The following TMEM132D variants were observed in gnomAD, a reference collection of about 807,000 sequenced individuals.
TMEM132D encodes the protein mature OL transmembrane protein.
In TMEM132D, 21 loss-of-function variants were observed where a neutral mutation model predicts 62.3. The ratio of observed to expected loss-of-function variants is 0.34; its 90% CI spans 0.24 to 0.49. TMEM132D has a LOEUF of 0.49. Among genes scored for constraint, TMEM132D ranks in the 20% least tolerant of loss-of-function variants. TMEM132D has a pLI of 0.99. For synonymous variants in TMEM132D, 621 were observed against 575.6 expected, an observed-to-expected ratio of 1.08 and a Z score of -1.13; for missense variants, 1,346 against 1,402.8, an observed-to-expected ratio of 0.96 and a Z score of 0.65.
intron 3 of TMEM132D, among the ~76,000 whole-genome samples, chr12:129,343,354 C>G (rs1869563968): frequency 6.6e-6 from 1 of 151,240 alleles, no homozygotes; most frequent in East Asian, 2.0e-4. Flanking sequence ...CATGTTCTCA[C>G]TCATAGGTGG....
At chr12:129,383,939 C>T (rs899197701) in intron 3 of TMEM132D, among the ~76,000 whole-genome samples, 40 of 152,224 alleles carry the variant, frequency 2.6e-4, no homozygotes, top group African/African-American at 8.9e-4. Context: ...ATGAGGAACA[C>T]TGGGTTAGAC....
intron 5 of TMEM132D, among the ~76,000 whole-genome samples, chr12:129,134,880 T>C (rs1190799043): frequency 6.6e-6 from 1 of 152,232 alleles, no homozygotes; most frequent in African/African-American, 2.4e-5. Flanking sequence ...TCAATCATCA[T>C]GGTGCATGTC....
intron 2 of TMEM132D, among the ~76,000 whole-genome samples, chr12:129,534,512 CAG>C (rs1255421633): frequency 6.6e-6 from 1 of 152,044 alleles, no homozygotes; most frequent in African/African-American, 2.4e-5. Context: ...CACACACACA[CAG>C]AGTTTCAAGT....
In TMEM132D at chr12:129,270,016, C is replaced by T. The variant is rs530171729; in HGVS notation, c.1300-60353G>A. ...GAACAGAATGGGAAAATCAAGCGAGCCACTCGGGAAAAGCCGCAGGCCGAG... is the reference window on the plus strand; with the variant it reads ...GAACAGAATGGGAAAATCAAGCGAGTCACTCGGGAAAAGCCGCAGGCCGAG... On this transcript the variant is annotated intron_variant, in intron 4 of 8. Coordinates refer to ENST00000422113, the MANE Select transcript of TMEM132D (RefSeq NM_133448.3). 2.9e-3 allele frequency among the ~76,000 whole-genome samples: 439 copies of T among 152,224 alleles called. 1 individual carries two copies. Among genetic ancestry groups the T allele is most frequent in the Non-Finnish European group, 4.9e-3 (333 of 68,014 alleles).
At chr12:129,289,556 A>AAAAAAAAAAG (rs1881392656) in intron 4 of TMEM132D, among the ~76,000 whole-genome samples, 1 of 148,554 alleles carries the variant, frequency 6.7e-6, no homozygotes, top group African/African-American at 2.5e-5. Flanking sequence ...ATAAAAAAAA[A>AAAAAAAAAAG]AAAAAAAAGA....
chr12:129,823,092 G>A (rs575439176), intron 1 of TMEM132D, among the ~76,000 whole-genome samples: 4 of 152,200 alleles, frequency 2.6e-5, no homozygotes, highest in East Asian at 3.9e-4. Flanking sequence ...GTGGCACCTC[G>A]CACATCTCTT....
chr12:129,274,113 AG>A (rs1400905680), intron 4 of TMEM132D, among the ~76,000 whole-genome samples: 3 of 151,270 alleles, frequency 2.0e-5, no homozygotes, highest in African/African-American at 2.4e-5. Context: ...TATTCTAAAA[AG>A]ATATGGAGCT....
intron 1 of TMEM132D, among the ~76,000 whole-genome samples, chr12:129,791,410 A>G (rs1871397100): frequency 6.6e-6 from 1 of 152,226 alleles, no homozygotes; most frequent in African/African-American, 2.4e-5. Flanking sequence ...AGCACATCAA[A>G]TTACATGTTT....
intron 4 of TMEM132D, among the ~76,000 whole-genome samples, chr12:129,244,671 T>C (rs1880045158): frequency 6.6e-6 from 1 of 152,118 alleles, no homozygotes; most frequent in African/African-American, 2.4e-5. Context: ...GACAGAGTCT[T>C]GCTCTATTGT....
At chr12:129,840,585 C>T (rs1248301499) in intron 1 of TMEM132D, 3 of 152,156 alleles carry the variant, frequency 2.0e-5, no homozygotes, top group Non-Finnish European at 4.4e-5. Flanking sequence ...TTTATGTCTC[C>T]GAGAAGGCAC....
At chr12:129,829,049 C>T (rs1253427341) in intron 1 of TMEM132D, among the ~76,000 whole-genome samples, 2 of 151,886 alleles carry the variant, frequency 1.3e-5, no homozygotes, top group African/African-American at 4.8e-5. Context: ...ATGCTGGCAG[C>T]TACCAACTTC....
chr12:129,185,701 A>G (rs73418230), intron 5 of TMEM132D, among the ~76,000 whole-genome samples: 5,338 of 151,204 alleles, frequency 0.035, 114 homozygotes, highest in Admixed American at 0.058. Flanking sequence ...TATCTTATCT[A>G]TCTGTCTGTC....
intron 4 of TMEM132D, among the ~76,000 whole-genome samples, chr12:129,284,317 C>G (rs898136959): frequency 3.9e-5 from 6 of 152,242 alleles, no homozygotes; most frequent in African/African-American, 1.4e-4. Context: ...TCTACATCAT[C>G]TGAAACAGAA....
chr12:129,337,035 T>A (rs1869305685), intron 4 of TMEM132D, among the ~76,000 whole-genome samples: 1 of 152,288 alleles, frequency 6.6e-6, no homozygotes, highest in East Asian at 1.9e-4. Context: ...TCAACTACAG[T>A]AACCCAAACA....
chr12:129,246,965 C>T (rs540279377), intron 4 of TMEM132D, among the ~76,000 whole-genome samples: 1 of 152,156 alleles, frequency 6.6e-6, no homozygotes, highest in African/African-American at 2.4e-5. Flanking sequence ...TATACTCATC[C>T]AGTCATTTAT....
chr12:129,394,836 C>T (rs748241637), intron 3 of TMEM132D, among the ~76,000 whole-genome samples: 5 of 152,198 alleles, frequency 3.3e-5, no homozygotes, highest in Non-Finnish European at 5.9e-5. Flanking sequence ...ATGGAGGTGA[C>T]AGATGGGCTG....
chr12:129,368,774 A>T (rs1434056313), intron 3 of TMEM132D, among the ~76,000 whole-genome samples: 1 of 152,142 alleles, frequency 6.6e-6, no homozygotes, highest in Non-Finnish European at 1.5e-5. Context: ...CACCAAAAAA[A>T]AAAAACCCAA....
intron 4 of TMEM132D, among the ~76,000 whole-genome samples, chr12:129,272,028 A>G (rs531267148): frequency 2.6e-5 from 4 of 152,014 alleles, no homozygotes; most frequent in South Asian, 2.1e-4. Context: ...CTCCCACCCA[A>G]CAGTGTAAAA....
intron 1 of TMEM132D, among the ~76,000 whole-genome samples, chr12:129,766,024 G>A (rs1437915506): frequency 2.0e-5 from 3 of 152,148 alleles, no homozygotes; most frequent in Non-Finnish European, 2.9e-5. Flanking sequence ...TCTGGACAAT[G>A]AGGCGGAGGC....
Sources: gnomAD v4.1 joint callset for allele counts (sites outside exome capture counted in the v4.1 genomes callset) on GRCh38, gnomAD v4.1.1 for gene constraint, MANE v1.5 for transcripts, NCBI Gene and HGNC (gene_info 2026-07-23, HGNC 2026-07-21) for gene names.